MAMLD1: variants seen among roughly 807,000 people sequenced by gnomAD.
MAMLD1 encodes mastermind-like domain-containing protein 1.
A neutral mutation model predicts 45.0 loss-of-function variants in MAMLD1; 14 were observed. That is an observed-to-expected ratio of 0.31 (90% CI 0.21 to 0.49). MAMLD1 has a LOEUF of 0.49. MAMLD1 is among the 20% of genes least tolerant of loss of function. The probability of loss-of-function intolerance (pLI) is 0.99; values close to 1 mark genes in which losing one functional copy is unlikely to be tolerated. For synonymous variants in MAMLD1, 254 were observed against 247.8 expected (o/e 1.02, Z -0.24); for missense variants, 543 against 603.6 (o/e 0.90, Z 1.05).
intron 1 of MAMLD1, among the ~76,000 whole-genome samples, chrX:150,365,114 C>CCCGCCG (rs1456628115): frequency 1.2e-3 from 134 of 109,116 alleles, no homozygotes; most frequent in Non-Finnish European, 2.3e-3. Flanking sequence ...CCCTCCCACC[C>CCCGCCG]CCGCCGCCGC....
intron 1 of MAMLD1, among the ~76,000 whole-genome samples, chrX:150,432,410 C>T (rs1314398318): frequency 9.0e-6 from 1 of 111,577 alleles, no homozygotes; most frequent in Admixed American, 9.5e-5. Context: ...TGCAGAAGTT[C>T]CTTAGTTTAA....
chrX:150,427,107 C>T (rs1449775930), intron 1 of MAMLD1, among the ~76,000 whole-genome samples: 1 of 111,127 alleles, frequency 9.0e-6, no homozygotes, highest in Non-Finnish European at 1.9e-5. Context: ...TTTCTGTGTC[C>T]AAATTTCCCC....
Position 150,406,415 on chromosome X carries a change from T to C in MAMLD1, c.-63-39039T>C, listed in dbSNP as rs781900235. 1.2e-4 allele frequency among the ~76,000 whole-genome samples: 13 copies of C among 111,131 alleles called. No individual in the cohort carries two copies. The South Asian group carries it at 5.1e-3, about 43-fold the overall frequency. ...ACCCCATCACCTCAAAGAGCCTTCATTGTGAGGTAGAAATGACCAAAACCA... is the reference window on the plus strand; with the variant it reads ...ACCCCATCACCTCAAAGAGCCTTCACTGTGAGGTAGAAATGACCAAAACCA... On this transcript the variant is annotated intron_variant, in intron 1 of 7. Coordinates refer to ENST00000370401, the MANE Select transcript of MAMLD1 (RefSeq NM_005491.5).
intron 5 of MAMLD1, among the ~76,000 whole-genome samples, chrX:150,483,783 C>T (rs1448204114): frequency 8.9e-6 from 1 of 112,433 alleles, no homozygotes; most frequent in Admixed American, 9.4e-5. Flanking sequence ...TTGTTGTTGT[C>T]GTCATTTAAT....
In MAMLD1 at chrX:150,394,129, C is replaced by CTTTTTTTTTT. The variant is rs781904160; in HGVS notation, c.-64+30615_-64+30624dup. Among the ~76,000 whole-genome samples, 9 of 12,263 alleles carry CTTTTTTTTTT rather than the reference C, an allele frequency of 7.3e-4. 1 individual carries two copies. Among genetic ancestry groups the CTTTTTTTTTT allele is most frequent in the East Asian group, 3.6e-3 (1 of 280 alleles). The allele number at this position is 12,263 out of a possible 115,157, so 10.6% of individuals were successfully genotyped here. On this transcript the variant is annotated intron_variant, in intron 1 of 7. Transcript: ENST00000370401. ...GGGGTGTAAGGTCTATATCTACATC[C>CTTTTTTTTTT]TTTTTTTTTTTTTTTTTTTTTTTTT...
At chrX:150,426,360 C>A (rs1281277338) in intron 1 of MAMLD1, among the ~76,000 whole-genome samples, 7 of 112,013 alleles carry the variant, frequency 6.2e-5, no homozygotes, top group Admixed American at 1.9e-4. Context: ...TCAGCAGCCC[C>A]ACATTTCTTC....
chrX:150,391,322 C>A (rs912920000), intron 1 of MAMLD1, among the ~76,000 whole-genome samples: 2 of 111,256 alleles, frequency 1.8e-5, no homozygotes, highest in Admixed American at 9.5e-5. Flanking sequence ...TTTGTTATTG[C>A]CCACAGATCC....
chrX:150,505,153 G>T (rs1435794863), intron 6 of MAMLD1: 1 of 642,693 alleles, frequency 1.6e-6, no homozygotes, highest in African/African-American at 2.4e-5. Context: ...CATTCATTTT[G>T]TGAAGCCCCC....
chrX:150,475,116 G>A (rs1557406801), intron 5 of MAMLD1, among the ~76,000 whole-genome samples: 1 of 111,459 alleles, frequency 9.0e-6, no homozygotes, highest in Non-Finnish European at 1.9e-5. Flanking sequence ...CTATGATATG[G>A]CATTTACTAG....
At chrX:150,479,736 T>C (rs1288520599) in intron 5 of MAMLD1, among the ~76,000 whole-genome samples, 3 of 111,910 alleles carry the variant, frequency 2.7e-5, no homozygotes, top group African/African-American at 9.8e-5. Context: ...CAGAACACCA[T>C]ATGGAGCGAG....
At chrX:150,374,676 T>G in intron 1 of MAMLD1, among the ~76,000 whole-genome samples, 1 of 111,630 alleles carries the variant, frequency 9.0e-6, no homozygotes, top group South Asian at 3.8e-4. Context: ...GTGTCCAGGA[T>G]CTAGACAGTT....
chrX:150,482,583 C>T (rs2036851559), intron 5 of MAMLD1, among the ~76,000 whole-genome samples: 1 of 112,526 alleles, frequency 8.9e-6, no homozygotes, highest in African/African-American at 3.2e-5. Context: ...TAGTCCTCTC[C>T]TAATCAAAAG....
At chrX:150,365,750 T>C (rs1345410733) in intron 1 of MAMLD1, among the ~76,000 whole-genome samples, 1 of 112,289 alleles carries the variant, frequency 8.9e-6, no homozygotes, top group East Asian at 2.8e-4. Context: ...GCGGAGGCAG[T>C]GGGAGCCGCC....
At chrX:150,506,743 G>A (rs1442920589) in intron 6 of MAMLD1, among the ~76,000 whole-genome samples, 1 of 112,716 alleles carries the variant, frequency 8.9e-6, no homozygotes, top group Non-Finnish European at 1.9e-5. Flanking sequence ...GGAGACATTA[G>A]CATGTGGTAG....
chrX:150,463,199 G>A (rs2036106020), intron 3 of MAMLD1, among the ~76,000 whole-genome samples: 1 of 112,269 alleles, frequency 8.9e-6, no homozygotes, highest in Non-Finnish European at 1.9e-5. Flanking sequence ...AGCTACCTCA[G>A]GCAGCACCTA....
intron 1 of MAMLD1, among the ~76,000 whole-genome samples, chrX:150,411,948 A>T (rs1557402839): frequency 8.9e-6 from 1 of 112,279 alleles, no homozygotes; most frequent in Non-Finnish European, 1.9e-5. Flanking sequence ...GGGAATAAAA[A>T]TTTAATAATT....
intron 2 of MAMLD1, among the ~76,000 whole-genome samples, chrX:150,451,470 G>A (rs944181583): frequency 1.8e-5 from 2 of 110,906 alleles, no homozygotes; most frequent in Non-Finnish European, 3.8e-5. Flanking sequence ...GTAGGCTGAG[G>A]CCTCTTGCTT....
intron 6 of MAMLD1, among the ~76,000 whole-genome samples, chrX:150,506,052 G>A: frequency 8.9e-6 from 1 of 112,256 alleles, no homozygotes; most frequent in Non-Finnish European, 1.9e-5. Context: ...AAGTCAGAAG[G>A]GTGAACGAGT....
intron 1 of MAMLD1, among the ~76,000 whole-genome samples, chrX:150,381,308 C>T (rs1402259020): frequency 8.9e-6 from 1 of 112,294 alleles, no homozygotes; most frequent in Non-Finnish European, 1.9e-5. Context: ...ACCCAGTTCA[C>T]AGCCAGGACA....
Sources: gnomAD v4.1 joint callset for allele counts (sites outside exome capture counted in the v4.1 genomes callset) on GRCh38, gnomAD v4.1.1 for gene constraint, MANE v1.5 for transcripts, NCBI Gene and HGNC (gene_info 2026-07-23, HGNC 2026-07-21) for gene names.